FAM168A: variants seen among roughly 807,000 people sequenced by gnomAD.
FAM168A encodes protein FAM168A.
A neutral mutation model predicts 28.5 loss-of-function variants in FAM168A; 3 were observed. The observed-to-expected ratio is 0.11, with a 90% CI of 0.05 to 0.27. The LOEUF (loss-of-function observed/expected upper bound fraction) is 0.27, where lower values mean the gene tolerates loss of function less well. FAM168A is among the 10% of genes least tolerant of loss of function. The pLI is 1.00. For synonymous variants in FAM168A, 122 were observed against 124.2 expected (o/e 0.98, Z 0.12); for missense variants, 222 against 311.5 (o/e 0.71, Z 2.16).
intron 2 of FAM168A, among the ~76,000 whole-genome samples, chr11:73,437,027 C>A (rs1335746530): frequency 1.3e-5 from 2 of 151,876 alleles, no homozygotes; most frequent in African/African-American, 2.4e-5. Context: ...GTGATTGAGT[C>A]CAACTTGTCA....
At chr11:73,576,728 T>C (rs998485835) in intron 1 of FAM168A, among the ~76,000 whole-genome samples, 1 of 152,172 alleles carries the variant, frequency 6.6e-6, no homozygotes, top group Non-Finnish European at 1.5e-5. Flanking sequence ...TCTTGCCCAG[T>C]AGTTCGATCC....
chr11:73,580,198 C>T (rs544012070), intron 1 of FAM168A: 9 of 465,558 alleles, frequency 1.9e-5, no homozygotes, highest in Non-Finnish European at 2.5e-5. Flanking sequence ...GCCTGTGCTC[C>T]GCTGCATCCC....
At chr11:73,555,298 T>C (rs914512830) in intron 1 of FAM168A, among the ~76,000 whole-genome samples, 4 of 152,098 alleles carry the variant, frequency 2.6e-5, no homozygotes, top group African/African-American at 7.2e-5. Flanking sequence ...AAGGGTACCA[T>C]TCCAGTAGAA....
At chr11:73,583,705 G>A (rs553412621) in intron 1 of FAM168A, among the ~76,000 whole-genome samples, 2 of 152,352 alleles carry the variant, frequency 1.3e-5, no homozygotes, top group South Asian at 2.1e-4. Flanking sequence ...CACGTGCAAA[G>A]ACAGTGAGAA....
At chr11:73,551,841 A>T (rs899402419) in intron 1 of FAM168A, among the ~76,000 whole-genome samples, 1 of 152,242 alleles carries the variant, frequency 6.6e-6, no homozygotes, top group Non-Finnish European at 1.5e-5. Context: ...ATGAATTTCC[A>T]GTTATTAGGC....
At chr11:73,564,776 A>G (rs1182112025) in intron 1 of FAM168A, among the ~76,000 whole-genome samples, 2 of 150,918 alleles carry the variant, frequency 1.3e-5, no homozygotes, top group African/African-American at 4.9e-5. Context: ...GGCTAGAGGT[A>G]TAGCTCTAGT....
intron 2 of FAM168A, among the ~76,000 whole-genome samples, chr11:73,461,264 GT>G (rs1481704722): frequency 1.3e-5 from 2 of 152,016 alleles, no homozygotes; most frequent in African/African-American, 4.8e-5. Context: ...CTACAGGCAG[GT>G]GCCACCACAC....
chr11:73,460,657 C>T (rs1373026160), intron 2 of FAM168A, among the ~76,000 whole-genome samples: 1 of 152,000 alleles, frequency 6.6e-6, no homozygotes, highest in African/African-American at 2.4e-5. Context: ...GAATGTGCCA[C>T]CATGCCTGGC....
At chr11:73,440,088 G>A (rs1449033287) in intron 2 of FAM168A, among the ~76,000 whole-genome samples, 1 of 152,000 alleles carries the variant, frequency 6.6e-6, no homozygotes, top group African/African-American at 2.4e-5. Context: ...GTTTCGCCAT[G>A]TTGGCCAGGC....
chr11:73,582,322 C>A (rs1314572166), intron 1 of FAM168A, among the ~76,000 whole-genome samples: 5 of 151,648 alleles, frequency 3.3e-5, no homozygotes, highest in South Asian at 2.1e-4. Context: ...GAGATCGATA[C>A]CATCCCGGCT....
At chr11:73,573,523 T>C (rs1944133759) in intron 1 of FAM168A, among the ~76,000 whole-genome samples, 1 of 152,246 alleles carries the variant, frequency 6.6e-6, no homozygotes, top group Admixed American at 6.5e-5. Flanking sequence ...CTCAATACTT[T>C]ATCTACCCAG....
At chr11:73,434,666 G>A (rs191720016) in intron 2 of FAM168A, among the ~76,000 whole-genome samples, 6 of 152,344 alleles carry the variant, frequency 3.9e-5, no homozygotes, top group African/African-American at 9.6e-5. Context: ...GGGCTTTACA[G>A]GCCACTGTGA....
intron 1 of FAM168A, chr11:73,580,394 G>A: frequency 1.6e-6 from 1 of 619,272 alleles, no homozygotes; most frequent in Non-Finnish European, 3.1e-6. Flanking sequence ...TGCAAAGAAG[G>A]GAGAGAAGGT....
At chr11:73,525,013 T>G (rs987299166) in intron 1 of FAM168A, among the ~76,000 whole-genome samples, 1 of 141,118 alleles carries the variant, frequency 7.1e-6, no homozygotes, top group African/African-American at 2.9e-5. Context: ...TGATCTGAGT[T>G]TTTTGCAATT....
chr11:73,500,851 A>T (rs1468648252), intron 1 of FAM168A, among the ~76,000 whole-genome samples: 1 of 152,196 alleles, frequency 6.6e-6, no homozygotes, highest in Non-Finnish European at 1.5e-5. Flanking sequence ...TTAACCTTAA[A>T]TGTAAATGGG....
chr11:73,426,231 C>G (rs990819561), intron 3 of FAM168A, among the ~76,000 whole-genome samples: 7 of 152,202 alleles, frequency 4.6e-5, no homozygotes, highest in African/African-American at 1.7e-4. Flanking sequence ...TCCCTCGATT[C>G]TGAAAGCCAA....
intron 1 of FAM168A, among the ~76,000 whole-genome samples, chr11:73,544,915 TTATA>T (rs1203823368): frequency 3.2e-5 from 3 of 92,646 alleles, no homozygotes; most frequent in Admixed American, 1.8e-4. Flanking sequence ...ATAATATATA[TTATA>T]TATAATATAA....
rs34994742 is a variant in FAM168A at position 73,433,076 on chromosome 11, C to CTT, written c.71-2308_71-2307dup. ...ACAGGTGCGTGCCACCACGCCCCGCCTTTTTTTTTTTTTTTTTTTTTTTTT... is the reference window on the plus strand; with the variant it reads ...ACAGGTGCGTGCCACCACGCCCCGCCTTTTTTTTTTTTTTTTTTTTTTTTTTT... On this transcript the variant is annotated intron_variant, in intron 2 of 7. Transcript: ENST00000356467. 4.2e-3 allele frequency among the ~76,000 whole-genome samples: 342 copies of CTT among 80,614 alleles called. 22 individuals carry two copies. The highest frequency in any genetic ancestry group is 0.012 in the Middle Eastern group (2 of 164). 52.9% of individuals were successfully genotyped at this position (80,614 alleles called of 152,430 possible).
chr11:73,509,542 T>C (rs544519042), intron 1 of FAM168A, among the ~76,000 whole-genome samples: 1 of 152,230 alleles, frequency 6.6e-6, no homozygotes, highest in East Asian at 1.9e-4. Context: ...TACATCAAAG[T>C]GAGATGTCCA....
Sources: allele counts gnomAD v4.1 joint callset (sites outside exome capture counted in the v4.1 genomes callset), GRCh38; gene constraint gnomAD v4.1.1; transcripts MANE v1.5; gene names NCBI Gene and HGNC (gene_info 2026-07-23, HGNC 2026-07-21).